Variants in CCT4 observed in about 807,000 individuals in gnomAD.
CCT4 encodes the protein chaperonin containing TCP1 subunit 4, also known as T-complex protein 1 subunit delta.
Under a neutral mutation model 62.5 loss-of-function variants are expected in CCT4, and 17 were observed. The ratio of observed to expected loss-of-function variants is 0.27; its 90% confidence interval spans 0.19 to 0.41. CCT4 has a LOEUF of 0.41. Among genes scored for constraint, CCT4 ranks in the 10% least tolerant of loss-of-function variants. The pLI, the probability that CCT4 is intolerant of heterozygous loss-of-function variation, is 1.00. For synonymous variants in CCT4, 250 were observed against 229.9 expected, an observed-to-expected ratio of 1.09 and a Z score of -0.79; for missense variants, 592 against 659.2, an observed-to-expected ratio of 0.90 and a Z score of 1.12.
At chr2:61,881,403 C>T (rs932414430) in intron 3 of CCT4, among the ~76,000 whole-genome samples, 5 of 151,820 alleles carry the variant, frequency 3.3e-5, no homozygotes, top group East Asian at 3.9e-4. Context: ...ATTACAGGCA[C>T]GAGCCACTGC....
At chr2:61,873,738 G>C (rs1025410365) in intron 8 of CCT4, among the ~76,000 whole-genome samples, 1 of 152,044 alleles carries the variant, frequency 6.6e-6, no homozygotes, top group African/African-American at 2.4e-5. Context: ...GCTAATTTTT[G>C]TATTTTTAGT....
rs1455200650 is a variant in CCT4 at position 61,880,339 on chromosome 2, A to G, written c.326T>C (p.Val109Ala). ...TAAGAGGGAGCCAGCAATGATGACT[A>G]CTGATGTGGTGCCATCTCCTGCTTC... is the stretch of plus-strand genomic sequence containing the variant. ...DIEAGDGTTS[V>A]VIIAGSLLDS... The change falls in exon 4 of 14, where the codon GTA (valine) becomes GCA (alanine). Residue 109 changes from valine (V) to alanine (A), a missense_variant. Val to Ala is a moderately conservative substitution (Grantham distance 64). Around this residue, in one of 3 missense-constraint regions of CCT4, gnomAD observed 522 missense variants for 571.2 expected, o/e 0.91. Transcript: ENST00000394440. 1 of 1,608,844 alleles carries G rather than the reference A, an allele frequency of 6.2e-7. No individual in the cohort carries two copies. Among genetic ancestry groups the G allele is most frequent in the Admixed American group, 1.7e-5 (1 of 58,370 alleles).
At position 61,885,083 on chromosome 2, in the gene CCT4, G is replaced by A. The variant is rs1195242461; in HGVS notation, c.128-11C>T. 1.4e-6 allele frequency: 2 copies of A among 1,463,222 alleles called. No homozygotes were observed. Among genetic ancestry groups the A allele is most frequent in the Admixed American group, 2.8e-5 (1 of 35,118 alleles). 90.6% of individuals were successfully genotyped at this position (1,463,222 alleles called of 1,614,324 possible). On this transcript the variant is annotated splice_polypyrimidine_tract_variant and intron_variant, in intron 1 of 13. Coordinates refer to ENST00000394440, the MANE Select transcript of CCT4 (RefSeq NM_006430.4). ...TAGCATCAGCAACCGCTGCAGATGG[G>A]GGGGAAAAAAAAGAAAACAAATTAG...
intron 8 of CCT4, among the ~76,000 whole-genome samples, chr2:61,874,026 C>G (rs1047207740): frequency 1.3e-5 from 2 of 152,114 alleles, no homozygotes; most frequent in African/African-American, 2.4e-5. Flanking sequence ...ATGAGCACAT[C>G]TTGGGAAGTG....
intron 8 of CCT4, among the ~76,000 whole-genome samples, chr2:61,875,059 G>A (rs1220568201): frequency 6.6e-6 from 1 of 150,862 alleles, no homozygotes; most frequent in Non-Finnish European, 1.5e-5. Context: ...GGAGACTTGC[G>A]TGAACCCAGG....
chr2:61,883,361 G>C, intron 3 of CCT4, 98 bp downstream of exon 3: 1 of 628,326 alleles, frequency 1.6e-6, no homozygotes, highest in Admixed American at 3.3e-5. Context: ...AGGTTGCAGT[G>C]AGCTGAGATT....
In CCT4 at chr2:61,878,794, A is replaced by G. The variant is rs1669052005; in HGVS notation, c.522+75T>C. The G allele has an allele frequency of 6.2e-6, 6 of 964,554 alleles. No homozygotes were observed. The South Asian group carries it at 1.0e-4, about 16-fold the overall frequency. 59.7% of individuals were successfully genotyped at this position (964,554 alleles called of 1,614,324 possible). ...CACTCTTGAGATTTAGTATTTATGT[A>G]CCGTATAGCATCAAGAATCATAGAG... On this transcript the variant is annotated intron_variant, in intron 5 of 13. Transcript: ENST00000394440.
rs150227141 is a variant in CCT4, at chr2:61,873,030, T to G, written c.1097A>C (p.Asn366Thr). Reference sequence around the variant, plus strand: ...GAGCAGTTTGCCAGAACCATTTAAATTGACCTCCTCAGCTAACTCAGCAGA... The same window carrying G: ...GAGCAGTTTGCCAGAACCATTTAAAGTGACCTCCTCAGCTAACTCAGCAGA... ...LGSAELAEEV[N>T]LNGSGKLLKI... The change falls in exon 10 of 14, where the codon AAT (asparagine) becomes ACT (threonine). Residue 366 changes from asparagine (N) to threonine (T), a missense_variant. Around this residue, in one of 3 missense-constraint regions of CCT4, gnomAD observed 522 missense variants for 571.2 expected, o/e 0.91. Transcript: ENST00000394440. The G allele has an allele frequency of 1.2e-6, 2 of 1,610,250 alleles. No homozygotes were observed. The highest frequency in any genetic ancestry group is 1.7e-5 in the Admixed American group (1 of 60,010).
chr2:61,876,016 T>C (rs541646785), intron 8 of CCT4, 79 bp downstream of exon 8: 39 of 879,758 alleles, frequency 4.4e-5, no homozygotes, highest in Non-Finnish European at 6.1e-5. Context: ...TTAAATCATA[T>C]ATTTTATCAG....
chr2:61,887,442 A>G (rs746064994), intron 1 of CCT4, among the ~76,000 whole-genome samples: 1 of 152,182 alleles, frequency 6.6e-6, no homozygotes, highest in Non-Finnish European at 1.5e-5. Context: ...ACTTTCCAGG[A>G]CACCAGGCCT....
intron 5 of CCT4, among the ~76,000 whole-genome samples, chr2:61,878,352 G>T (rs913009474): frequency 6.6e-6 from 1 of 152,216 alleles, no homozygotes; most frequent in African/African-American, 2.4e-5. Flanking sequence ...GGACCACGAT[G>T]GGCAGCCTGT....
rs377231309 is a variant in CCT4 at position 61,888,442 on chromosome 2, G to A, written c.66C>T (p.Gly22=). 1 of 1,611,810 alleles carries A rather than the reference G, an allele frequency of 6.2e-7. No individual in the cohort carries two copies. The highest frequency in any genetic ancestry group is 8.5e-7 in the Non-Finnish European group (1 of 1,179,302). ...TAGAAGGRGK[G]AYQDRDKPAQ... ...CTGGCTTGTCGCGGTCCTGATAGGC[G>A]CCTTTCCCGCGGCCGCCGGCAGCCC... The change falls in exon 1 of 14, where the codon GGC becomes GGT. Residue 22 remains glycine, a synonymous_variant. Transcript: ENST00000394440.
At chr2:61,884,030 G>A (rs17039852) in intron 2 of CCT4, among the ~76,000 whole-genome samples, 9,584 of 152,102 alleles carry the variant, frequency 0.063, 825 homozygotes, top group East Asian at 0.18. Context: ...CCAGAGCGGA[G>A]AATAATCTAT....
chr2:61,883,443 C>T lies in CCT4; in HGVS notation c.270+16G>A, dbSNP rs373680483. 6 of 1,209,896 alleles carry T rather than the reference C, an allele frequency of 5.0e-6. No homozygotes were observed. Among genetic ancestry groups the T allele is most frequent in the Non-Finnish European group, 7.0e-6 (6 of 852,684 alleles). The allele number at this position is 1,209,896 out of a possible 1,614,324, so 74.9% of individuals were successfully genotyped here. On this transcript the variant is annotated intron_variant, in intron 3 of 13. Transcript: ENST00000394440. The stretch of plus-strand genomic sequence containing the variant: ...AAAAAAAAAAAAAAAAAAGACTCAC[C>T]TAAAATTACACTTACCATTCTGGCT...
rs1668997722 is a variant in CCT4 at position 61,876,221 on chromosome 2, A to G, written c.791T>C (p.Ile264Thr). The G allele has an allele frequency of 6.2e-7, 1 of 1,603,956 alleles. No individual in the cohort carries two copies. The highest frequency in any genetic ancestry group is 1.3e-5 in the African/African-American group (1 of 74,558). The part of the protein sequence containing the change: ...SAPKTDMDNQ[I>T]VVSDYAQMDR... ...CATCTGGGCATAGTCAGAAACCACT[A>G]TTTGATTATCCATCTGTTCAGAAAA... The change falls in exon 8 of 14, where the codon ATA becomes ACA. Residue 264 changes from isoleucine (I) to threonine (T), a missense_variant. Physicochemically the swap from Ile to Thr is moderately conservative, Grantham distance 89. Transcript: ENST00000394440.
chr2:61,887,299 G>A (rs7589135), intron 1 of CCT4, among the ~76,000 whole-genome samples: 2,177 of 152,292 alleles, frequency 0.014, 51 homozygotes, highest in African/African-American at 0.05. Flanking sequence ...TACTTGGGCT[G>A]ATGACTGCAA....
intron 5 of CCT4, among the ~76,000 whole-genome samples, 159 bp downstream of exon 5, chr2:61,878,710 T>C (rs918599832): frequency 2.0e-5 from 3 of 152,226 alleles, no homozygotes; most frequent in Non-Finnish European, 4.4e-5. Context: ...GCCTTATGGC[T>C]CATTTCCTCT....
rs530069076 is a variant in CCT4 at position 61,880,274 on chromosome 2, C to T, written c.379+12G>A. On this transcript the variant is annotated intron_variant, in intron 4 of 13. Coordinates refer to ENST00000394440, the MANE Select transcript of CCT4 (RefSeq NM_006430.4). ...CTTTTCTTTATTCAGTAATAAAGTA[C>T]ATCCTACCCACCTTTCTGAAGAAGC... 1.2e-5 allele frequency: 17 copies of T among 1,422,780 alleles called. No individual in the cohort carries two copies. The South Asian group carries it at 1.5e-4, about 13-fold the overall frequency. 88.1% of individuals were successfully genotyped at this position (1,422,780 alleles called of 1,614,324 possible). A position where few individuals can be genotyped will look rare whatever the true frequency, so the allele number is the denominator to read the frequency against.
intron 2 of CCT4, among the ~76,000 whole-genome samples, chr2:61,883,806 AC>A (rs1321303709): frequency 6.6e-6 from 1 of 151,480 alleles, no homozygotes; most frequent in Non-Finnish European, 1.5e-5. Context: ...ACACACACAC[AC>A]ACACACACAA....
Sources: gnomAD v4.1 joint callset for allele counts (sites outside exome capture counted in the v4.1 genomes callset) on GRCh38, gnomAD v4.1.1 for gene constraint, gnomAD v4.1.1 regional missense constraint, MANE v1.5 for transcripts, NCBI Gene and HGNC (gene_info 2026-07-23, HGNC 2026-07-21) for gene names.